Variants in CFH observed in about 807,000 individuals in gnomAD.
CFH encodes the protein complement factor H, also known as H factor 1 (complement).
A neutral mutation model predicts 147.3 loss-of-function variants in CFH; 53 were observed. The ratio of observed to expected loss-of-function variants is 0.36; its 90% CI spans 0.29 to 0.45. The LOEUF is 0.45. CFH is among the 20% of genes least tolerant of loss of function. The pLI is 1.00. For synonymous variants in CFH, 536 were observed against 489.4 expected (o/e 1.10, Z -1.26); for missense variants, 1,380 against 1,498.0 (o/e 0.92, Z 1.30).
chr1:196,697,932 C>A (rs1668331573), intron 9 of CFH, among the ~76,000 whole-genome samples: 1 of 144,738 alleles, frequency 6.9e-6, no homozygotes, highest in South Asian at 2.1e-4. Context: ...CATGCTCTCA[C>A]TCATAGGTGG....
rs1667973919 is a variant in CFH, at chr1:196,690,132, A to C, written c.1229A>C (p.Lys410Thr). 1.2e-6 allele frequency: 2 copies of C among 1,612,998 alleles called. No individual in the cohort carries two copies. The highest frequency in any genetic ancestry group is 2.7e-5 in the African/African-American group (2 of 74,880). The change falls in exon 9 of 22, where the codon AAA becomes ACA. Residue 410 changes from lysine to threonine, a missense_variant. This residue lies in a region of CFH where 830 missense variants were observed against 821.4 expected (regional missense o/e 1.01). Coordinates refer to ENST00000367429, the MANE Select transcript of CFH (RefSeq NM_000186.4). ...QNHGRKFVQG[K>T]SIDVACHPGY... ...CATGGAAGAAAGTTTGTACAGGGTA[A>C]ATCTATAGACGTTGCCTGCCATCCT...
intron 9 of CFH, 96 bp downstream of exon 9, chr1:196,690,335 T>A: frequency 1.3e-6 from 2 of 1,544,188 alleles, no homozygotes; most frequent in Admixed American, 3.4e-5. Context: ...TGGCAAAATG[T>A]TTATGTCACC....
At chr1:196,689,688 A>T in intron 8 of CFH, 74 bp downstream of exon 8, 1 of 1,490,608 alleles carries the variant, frequency 6.7e-7, no homozygotes, top group Non-Finnish European at 9.4e-7. Flanking sequence ...CACATAAGTG[A>T]TTACACCTGT....
chr1:196,654,783 A>C (rs1666629214), intron 1 of CFH, among the ~76,000 whole-genome samples: 1 of 152,160 alleles, frequency 6.6e-6, no homozygotes, highest in East Asian at 1.9e-4. Flanking sequence ...ACGTTATTTC[A>C]GGTCCCAGAA....
chr1:196,669,917 AG>A (rs1667220718), intron 1 of CFH, among the ~76,000 whole-genome samples: 1 of 152,336 alleles, frequency 6.6e-6, no homozygotes, highest in South Asian at 2.1e-4. Context: ...TAGCCAGGGC[AG>A]GGGGCCATAC....
chr1:196,705,836 C>G (rs915594490), intron 9 of CFH, among the ~76,000 whole-genome samples: 2 of 152,166 alleles, frequency 1.3e-5, no homozygotes, highest in Non-Finnish European at 2.9e-5. Flanking sequence ...TGACTTACCT[C>G]TAGAAGACTG....
intron 2 of CFH, 69 bp from the exon 3 acceptor site, chr1:196,673,788 C>A: frequency 2.2e-6 from 2 of 918,546 alleles, no homozygotes; most frequent in Non-Finnish European, 3.7e-6. Flanking sequence ...TATACTTGTT[C>A]CCCCACTCCT....
intron 9 of CFH, among the ~76,000 whole-genome samples, chr1:196,709,803 A>T (rs1365188149): frequency 6.6e-6 from 1 of 152,034 alleles, no homozygotes; most frequent in African/African-American, 2.4e-5. Flanking sequence ...TGAAAAAAAA[A>T]CCTAGCAACA....
intron 9 of CFH, among the ~76,000 whole-genome samples, chr1:196,691,056 A>G (rs533954474): frequency 1.3e-5 from 2 of 152,208 alleles, no homozygotes; most frequent in South Asian, 4.2e-4. Flanking sequence ...AGAAAAGAAA[A>G]TGATTTGGGG....
intron 3 of CFH, among the ~76,000 whole-genome samples, chr1:196,675,211 A>G (rs1013362370): frequency 6.6e-6 from 1 of 152,154 alleles, no homozygotes; most frequent in African/African-American, 2.4e-5. Context: ...ATGATTGCAC[A>G]TTTTGCACAT....
chr1:196,735,144 T>C (rs542056341), intron 15 of CFH, among the ~76,000 whole-genome samples: 1 of 152,176 alleles, frequency 6.6e-6, no homozygotes, highest in Non-Finnish European at 1.5e-5. Flanking sequence ...AGAGAGTTCA[T>C]TTTTATTTGA....
chr1:196,701,325 C>T (rs1448055895), intron 9 of CFH: 114 of 1,613,578 alleles, frequency 7.1e-5, no homozygotes, highest in Non-Finnish European at 9.2e-5. Context: ...CAGGCTTTAC[C>T]CTCTGAACTT....
rs780233617 is a variant in CFH, at chr1:196,685,114, A to G, written c.841A>G (p.Arg281Gly). The change falls in exon 7 of 22, where the codon AGG (arginine) becomes GGG (glycine). Residue 281 changes from arginine (R) to glycine (G), a missense_variant. Arg to Gly is a moderately radical substitution (Grantham distance 125). Coordinates refer to ENST00000367429, the MANE Select transcript of CFH (RefSeq NM_000186.4). Reference sequence around the variant, plus strand: ...TCCAAATGGTGACTACTCACCTTTAAGGATTAAACACAGAACTGGAGATGA... The same window carrying G: ...TCCAAATGGTGACTACTCACCTTTAGGGATTAAACACAGAACTGGAGATGA... ...YIPNGDYSPL[R>G]IKHRTGDEIT... 1.2e-6 allele frequency: 2 copies of G among 1,612,794 alleles called. No homozygotes were observed. Among genetic ancestry groups the G allele is most frequent in the Non-Finnish European group, 1.7e-6 (2 of 1,179,054 alleles).
At chr1:196,734,887 C>T (rs1669366063) in intron 15 of CFH, among the ~76,000 whole-genome samples, 1 of 151,830 alleles carries the variant, frequency 6.6e-6, no homozygotes. Context: ...TAATTTTCTC[C>T]CTTCTCTGTG....
At position 196,745,913 on chromosome 1, in the gene CFH, A is replaced by G. The variant is rs1482308745; in HGVS notation, c.3407A>G (p.Tyr1136Cys). Residue 1136 changes from tyrosine to cysteine, a missense_variant, in exon 21 of 22, where the codon TAC becomes TGC. Tyr to Cys is a radical substitution (Grantham distance 194). Coordinates refer to ENST00000367429, the MANE Select transcript of CFH (RefSeq NM_000186.4). ...SVYAPASSVE[Y>C]QCQNLYQLEG... ...TATGCTCCAGCTTCATCAGTTGAGTACCAATGCCAGAACTTGTATCAACTT... is the reference window on the plus strand; with the variant it reads ...TATGCTCCAGCTTCATCAGTTGAGTGCCAATGCCAGAACTTGTATCAACTT... 6.2e-7 allele frequency: 1 copy of G among 1,614,138 alleles called. No individual in the cohort carries two copies. Among genetic ancestry groups the G allele is most frequent in the Admixed American group, 1.7e-5 (1 of 60,006 alleles).
chr1:196,735,368 G>A (rs796441325), intron 15 of CFH, among the ~76,000 whole-genome samples: 186 of 152,012 alleles, frequency 1.2e-3, no homozygotes, highest in African/African-American at 4.0e-3. Context: ...CCTTGCTAAC[G>A]GTTCTATTTA....
intron 11 of CFH, among the ~76,000 whole-genome samples, chr1:196,724,566 C>A (rs1669083420): frequency 6.6e-6 from 1 of 152,132 alleles, no homozygotes; most frequent in South Asian, 2.1e-4. Flanking sequence ...TCCTAGTCAA[C>A]CTTTGTCAGG....
At chr1:196,714,127 AG>A (rs1390445122) in intron 10 of CFH, among the ~76,000 whole-genome samples, 2 of 152,182 alleles carry the variant, frequency 1.3e-5, no homozygotes, top group East Asian at 3.9e-4. Flanking sequence ...CCTACTCTAA[AG>A]CATTCTGTGT....
At chr1:196,709,742 A>G (rs567950863) in intron 9 of CFH, among the ~76,000 whole-genome samples, 61 of 152,278 alleles carry the variant, frequency 4.0e-4, no homozygotes, top group African/African-American at 1.4e-3. Flanking sequence ...AATCTAAGAC[A>G]TTGTGAGATG....
Sources: gnomAD v4.1 joint callset for allele counts (sites outside exome capture counted in the v4.1 genomes callset) on GRCh38, gnomAD v4.1.1 for gene constraint, gnomAD v4.1.1 regional missense constraint, MANE v1.5 for transcripts, NCBI Gene and HGNC (gene_info 2026-07-23, HGNC 2026-07-21) for gene names.